The following ESRRG variants were observed in gnomAD, a reference collection of about 807,000 sequenced individuals.
The protein encoded by ESRRG is estrogen-related receptor gamma.
A neutral mutation model predicts 44.0 loss-of-function variants in ESRRG; 13 were observed. The ratio of observed to expected loss-of-function variants is 0.30; its 90% CI spans 0.19 to 0.47. The LOEUF (loss-of-function observed/expected upper bound fraction) is 0.47. Ranked by LOEUF, ESRRG falls within the 20% of genes least tolerant of loss-of-function variation. The pLI is 1.00. For missense variants in ESRRG, 395 were observed against 580.6 expected, an observed-to-expected ratio of 0.68 and a Z score of 3.29; for synonymous variants, 215 against 214.6, an observed-to-expected ratio of 1.00 and a Z score of -0.02.
intron 2 of ESRRG, among the ~76,000 whole-genome samples, chr1:216,745,929 G>C (rs953399644): frequency 5.3e-5 from 8 of 152,062 alleles, no homozygotes; most frequent in Admixed American, 4.6e-4. Flanking sequence ...TTTAATACAG[G>C]GTTTAATATA....
chr1:217,096,905 G>A (rs750614190), intron 1 of ESRRG, among the ~76,000 whole-genome samples: 16 of 152,186 alleles, frequency 1.1e-4, no homozygotes, highest in Non-Finnish European at 1.6e-4. Context: ...GCCTGCATCT[G>A]TTCCAATTCT....
chr1:216,620,275 A>C (rs1185923283), intron 3 of ESRRG, among the ~76,000 whole-genome samples: 2 of 152,172 alleles, frequency 1.3e-5, no homozygotes, highest in Non-Finnish European at 2.9e-5. Flanking sequence ...CATTGTTTTG[A>C]GGATGAAATG....
At chr1:217,012,143 C>T (rs983819148) in intron 1 of ESRRG, among the ~76,000 whole-genome samples, 3 of 152,240 alleles carry the variant, frequency 2.0e-5, no homozygotes, top group African/African-American at 7.2e-5. Context: ...TGAGTTTCAT[C>T]CATTTCTTAA....
chr1:216,849,719 A>T (rs1181109095), intron 2 of ESRRG, among the ~76,000 whole-genome samples: 1 of 152,122 alleles, frequency 6.6e-6, no homozygotes. Flanking sequence ...ACGCTCCTCA[A>T]ATATTGAAAA....
Position 216,543,120 on chromosome 1 carries a change from C to T in ESRRG, c.862+21099G>A, listed in dbSNP as rs2053404171. ...AAACTGGAAATTGATTACCTAGTTG[C>T]CACGTGCAACAATGCACATGGGACA... On this transcript the variant is annotated intron_variant, in intron 5 of 6. Transcript: ENST00000408911. 3.9e-5 allele frequency among the ~76,000 whole-genome samples: 6 copies of T among 152,000 alleles called. No individual in the cohort carries two copies. The South Asian group carries it at 1.2e-3, about 31-fold the overall frequency.
chr1:217,119,026 G>GATAA (rs1383960259), intron 1 of ESRRG, among the ~76,000 whole-genome samples: 2 of 151,018 alleles, frequency 1.3e-5, no homozygotes, highest in Non-Finnish European at 1.5e-5. Context: ...TAGATAGATA[G>GATAA]ATAGATAGAT....
chr1:216,560,576 A>AAT (rs2058526524), intron 5 of ESRRG, among the ~76,000 whole-genome samples: 1 of 152,198 alleles, frequency 6.6e-6, no homozygotes, highest in Non-Finnish European at 1.5e-5. Flanking sequence ...AGTACATAAT[A>AAT]ATATTTTAAT....
intron 2 of ESRRG, among the ~76,000 whole-genome samples, chr1:216,846,942 G>A (rs1429411366): frequency 6.6e-6 from 1 of 151,980 alleles, no homozygotes; most frequent in Non-Finnish European, 1.5e-5. Context: ...CAGGAGTACT[G>A]CAACAGTGCA....
chr1:216,774,585 T>C (rs1220699860), intron 2 of ESRRG, among the ~76,000 whole-genome samples: 1 of 152,092 alleles, frequency 6.6e-6, no homozygotes, highest in Non-Finnish European at 1.5e-5. Flanking sequence ...CTAAAGGCAC[T>C]GTCATGTTTC....
At chr1:216,772,049 G>T (rs1200601947) in intron 2 of ESRRG, among the ~76,000 whole-genome samples, 4 of 151,824 alleles carry the variant, frequency 2.6e-5, no homozygotes, top group Non-Finnish European at 4.4e-5. Flanking sequence ...TATAAAGGGG[G>T]CAGCTTCACA....
intron 2 of ESRRG, among the ~76,000 whole-genome samples, chr1:216,905,437 G>A (rs1353446009): frequency 2.6e-5 from 4 of 151,940 alleles, no homozygotes; most frequent in African/African-American, 4.8e-5. Context: ...TTCAGCTCTC[G>A]GCTCAAAGGT....
At chr1:216,963,168 A>G (rs1279545793) in intron 1 of ESRRG, among the ~76,000 whole-genome samples, 2 of 152,180 alleles carry the variant, frequency 1.3e-5, no homozygotes, top group African/African-American at 4.8e-5. Context: ...CTAAAGAATA[A>G]TTATTAAAAC....
At chr1:217,017,269 T>G (rs1388556076) in intron 1 of ESRRG, among the ~76,000 whole-genome samples, 1 of 151,982 alleles carries the variant, frequency 6.6e-6, no homozygotes, top group African/African-American at 2.4e-5. Context: ...ATGCAATACA[T>G]TACAGTGAAA....
At chr1:216,517,818 C>G (rs999519776) in intron 6 of ESRRG, among the ~76,000 whole-genome samples, 8 of 152,052 alleles carry the variant, frequency 5.3e-5, no homozygotes, top group African/African-American at 1.2e-4. Context: ...TATAATTTCA[C>G]AGGAGCGTAG....
intron 5 of ESRRG, among the ~76,000 whole-genome samples, chr1:216,530,047 T>C (rs1422069978): frequency 7.1e-6 from 1 of 139,906 alleles, no homozygotes; most frequent in Non-Finnish European, 1.5e-5. Context: ...AGGAGGCAAA[T>C]GTTGCAGTGA....
At chr1:217,053,465 A>AAAGAAAG (rs2086483742) in intron 1 of ESRRG, among the ~76,000 whole-genome samples, 1 of 145,514 alleles carries the variant, frequency 6.9e-6, no homozygotes, top group Non-Finnish European at 1.5e-5. Flanking sequence ...AAAGCCAAAA[A>AAAGAAAG]AAAGAAAGAA....
chr1:216,514,846 A>G (rs1180757093), intron 6 of ESRRG, among the ~76,000 whole-genome samples: 1 of 152,130 alleles, frequency 6.6e-6, no homozygotes, highest in Non-Finnish European at 1.5e-5. Context: ...GTCTACAGAA[A>G]GATTCTGAAA....
chr1:216,677,953 A>G (rs1340789975), intron 1 of ESRRG, among the ~76,000 whole-genome samples: 2 of 152,160 alleles, frequency 1.3e-5, no homozygotes, highest in East Asian at 1.9e-4. Flanking sequence ...TTCCTTCCTC[A>G]TTCTGATGCT....
intron 2 of ESRRG, among the ~76,000 whole-genome samples, chr1:216,858,135 G>A (rs2095983259): frequency 4.6e-5 from 7 of 152,118 alleles, no homozygotes; most frequent in Admixed American, 4.6e-4. Context: ...ATAATACATT[G>A]TAATTAAAAT....
Sources: allele counts gnomAD v4.1 joint callset (sites outside exome capture counted in the v4.1 genomes callset), GRCh38; gene constraint gnomAD v4.1.1; transcripts MANE v1.5; gene names NCBI Gene and HGNC (gene_info 2026-07-23, HGNC 2026-07-21).